ZNF143: variants seen among roughly 807,000 people sequenced by gnomAD.
ZNF143 encodes zinc finger protein 143.
In ZNF143, 49 loss-of-function variants were observed where a neutral mutation model predicts 74.1. The ratio of observed to expected loss-of-function variants is 0.66; its 90% CI spans 0.53 to 0.84. The LOEUF is 0.84. Ranked by LOEUF, ZNF143 falls within the 40% of genes least tolerant of loss-of-function variation. The pLI is 0.00. For missense variants in ZNF143, 637 were observed against 793.4 expected, an observed-to-expected ratio of 0.80 and a Z score of 2.37; for synonymous variants, 304 against 282.8, an observed-to-expected ratio of 1.07 and a Z score of -0.75.
At chr11:9,472,546 C>T (rs1856642106) in intron 2 of ZNF143, 131 bp from the exon 3 acceptor site, 1 of 771,492 alleles carries the variant, frequency 1.3e-6, no homozygotes, top group African/African-American at 1.8e-5. Flanking sequence ...GCCACTGCAC[C>T]CGGCCGCTAA....
chr11:9,514,860 G>T (rs1478155515), intron 13 of ZNF143, among the ~76,000 whole-genome samples: 2 of 152,230 alleles, frequency 1.3e-5, no homozygotes, highest in Non-Finnish European at 2.9e-5. Flanking sequence ...TGGGCACAGT[G>T]GCCCATGCCT....
At chr11:9,504,024 A>G (rs181884159) in intron 11 of ZNF143, among the ~76,000 whole-genome samples, 1,645 of 136,168 alleles carry the variant, frequency 0.012, 33 homozygotes, top group African/African-American at 0.044. Flanking sequence ...CAGTGGCGCA[A>G]TCTTGGCCTG....
In ZNF143 at chr11:9,481,983, T is replaced by TG. The variant is rs1476820028; in HGVS notation, c.645+2437_645+2438insG. On this transcript the variant is annotated intron_variant, in intron 7 of 15. Coordinates refer to ENST00000396602, the MANE Select transcript of ZNF143 (RefSeq NM_003442.6). ...AAAAAAACCCATTACTCTTTTTTTT[T>TG]TTTTTGAGGTGGAGTCTCACTCTGT... is the stretch of plus-strand genomic sequence containing the variant. Among the ~76,000 whole-genome samples the TG allele has an allele frequency of 2.0e-5, 3 of 149,956 alleles. No homozygotes were observed. The East Asian group carries it at 5.9e-4, about 30-fold the overall frequency.
At chr11:9,476,408 C>T (rs1428790141) in intron 5 of ZNF143, among the ~76,000 whole-genome samples, 1 of 152,056 alleles carries the variant, frequency 6.6e-6, no homozygotes, top group East Asian at 1.9e-4. Context: ...CAGTCTCGCT[C>T]TGTTGCCAGG....
At chr11:9,468,823 TG>T in intron 1 of ZNF143, among the ~76,000 whole-genome samples, 1 of 151,706 alleles carries the variant, frequency 6.6e-6, no homozygotes, top group Non-Finnish European at 1.5e-5. Context: ...GGTGACAGAG[TG>T]AGACTCGACT....
intron 11 of ZNF143, among the ~76,000 whole-genome samples, chr11:9,507,637 A>G (rs1848409914): frequency 6.6e-6 from 1 of 152,210 alleles, no homozygotes; most frequent in African/African-American, 2.4e-5. Context: ...AGTGTAGTTA[A>G]AAGTATTCAT....
intron 1 of ZNF143, among the ~76,000 whole-genome samples, chr11:9,467,237 GT>G (rs10709761): frequency 0.94 from 119,558 of 127,408 alleles, 56,169 homozygotes; most frequent in Middle Eastern, 0.99. Flanking sequence ...AAAGGAAAGT[GT>G]TTTTTTTTTT....
At chr11:9,474,526 C>G (rs371027686) in intron 4 of ZNF143, 24 bp from the exon 5 acceptor site, 85 of 1,613,060 alleles carry the variant, frequency 5.3e-5, no homozygotes, top group Non-Finnish European at 6.8e-5. Context: ...AACATGAGAT[C>G]TAAATGTAAG....
In ZNF143 at chr11:9,497,768, G is replaced by A. The variant is rs1482816987; in HGVS notation, c.935G>A (p.Gly312Glu). 1 of 1,610,552 alleles carries A rather than the reference G, an allele frequency of 6.2e-7. No individual in the cohort carries two copies. Among genetic ancestry groups the A allele is most frequent in the Admixed American group, 1.7e-5 (1 of 59,648 alleles). The change falls in exon 10 of 16, where the codon GGA becomes GAA. Residue 312 changes from glycine (G) to glutamate (E), a missense_variant. By Grantham distance (98) the Gly-to-Glu change is moderately conservative. This residue lies in a region of ZNF143 where 344 missense variants were observed against 485.6 expected (regional missense o/e 0.71). Coordinates refer to ENST00000396602, the MANE Select transcript of ZNF143 (RefSeq NM_003442.6). ...DNCTKSFKTSGDLQKHIRTHT... is the reference protein window; with the variant it reads ...DNCTKSFKTSEDLQKHIRTHT... ...TGTACTAAATCTTTCAAAACTTCAG[G>A]AGATCTACAGAAACACATCAGAACT...
chr11:9,475,438 T>C (rs1856819799), intron 5 of ZNF143, among the ~76,000 whole-genome samples: 1 of 152,070 alleles, frequency 6.6e-6, no homozygotes. Context: ...TTTTAAATTT[T>C]TATTTTCTGA....
chr11:9,494,555 C>G, intron 7 of ZNF143, 91 bp from the exon 8 acceptor site: 2 of 1,332,086 alleles, frequency 1.5e-6, no homozygotes, highest in Non-Finnish European at 2.1e-6. Context: ...AAATGATCCG[C>G]CTACCTCTGC....
At chr11:9,470,102 A>G (rs1856483758) in intron 1 of ZNF143, among the ~76,000 whole-genome samples, 1 of 152,222 alleles carries the variant, frequency 6.6e-6, no homozygotes, top group Non-Finnish European at 1.5e-5. Context: ...CAAGGCAGCT[A>G]CATTATCCCA....
At chr11:9,490,877 T>C (rs1847747477) in intron 7 of ZNF143, among the ~76,000 whole-genome samples, 1 of 151,944 alleles carries the variant, frequency 6.6e-6, no homozygotes, top group Non-Finnish European at 1.5e-5. Flanking sequence ...GGACCACAAG[T>C]ACATACCACC....
chr11:9,479,567 A>T lies in ZNF143; in HGVS notation c.645+21A>T, dbSNP rs1292883715. ...TGCAGGTATGTAAAGCTACTTTTTAATATAAAAATCTAGCTTAGCATTTCT... is the reference window on the plus strand; with the variant it reads ...TGCAGGTATGTAAAGCTACTTTTTATTATAAAAATCTAGCTTAGCATTTCT... On this transcript the variant is annotated intron_variant, in intron 7 of 15. Coordinates refer to ENST00000396602, the MANE Select transcript of ZNF143 (RefSeq NM_003442.6). The T allele has an allele frequency of 1.9e-6, 3 of 1,600,968 alleles. No individual in the cohort carries two copies. The African/African-American group carries it at 4.0e-5, about 21-fold the overall frequency.
chr11:9,468,949 C>T lies in ZNF143; in HGVS notation c.-7-2353C>T, dbSNP rs189358971. On this transcript the variant is annotated intron_variant, in intron 1 of 15. Transcript: ENST00000396602. ...AGAAGTTCGAGACCAGCCTGGCCAACATGGTGAAACCCCACCTCTACTAAA... is the reference window on the plus strand; with the variant it reads ...AGAAGTTCGAGACCAGCCTGGCCAATATGGTGAAACCCCACCTCTACTAAA... Among the ~76,000 whole-genome samples the T allele has an allele frequency of 8.3e-3, 1,264 of 151,990 alleles. 16 individuals are homozygous for T. Among genetic ancestry groups the T allele is most frequent in the African/African-American group, 0.028 (1,175 of 41,456 alleles).
intron 1 of ZNF143, chr11:9,463,920 A>G (rs1297821300): frequency 6.6e-6 from 1 of 152,210 alleles, no homozygotes; most frequent in South Asian, 2.1e-4. Context: ...AGATAACTAT[A>G]TACATTTTTA....
intron 9 of ZNF143, among the ~76,000 whole-genome samples, chr11:9,497,103 G>A (rs760737722): frequency 1.3e-5 from 2 of 152,220 alleles, no homozygotes; most frequent in Admixed American, 6.5e-5. Context: ...TCCACTTTGA[G>A]CTCTTGGGGT....
At chr11:9,486,399 AT>A (rs1168198943) in intron 7 of ZNF143, among the ~76,000 whole-genome samples, 1 of 27,550 alleles carries the variant, frequency 3.6e-5, no homozygotes, top group Non-Finnish European at 6.1e-5. Flanking sequence ...TATATATAAT[AT>A]ATTATATATA....
Position 9,472,758 on chromosome 11 carries a change from A to G in ZNF143, c.194A>G (p.His65Arg). ...GATGGTTCTACTGCTTACATACAACACAATTCTAAAGGTATGTGCCTCACA... is the reference window on the plus strand; with the variant it reads ...GATGGTTCTACTGCTTACATACAACGCAATTCTAAAGGTATGTGCCTCACA... Reference protein sequence around the residue: ...LADGSTAYIQHNSKDAKLIDG... With the variant: ...LADGSTAYIQRNSKDAKLIDG... Residue 65 changes from histidine to arginine, a missense_variant, in exon 3 of 16, where the codon CAC (histidine) becomes CGC (arginine). This residue lies in a region of ZNF143 where 293 missense variants were observed against 307.8 expected (regional missense o/e 0.95). Coordinates refer to ENST00000396602, the MANE Select transcript of ZNF143 (RefSeq NM_003442.6). The G allele has an allele frequency of 1.9e-6, 3 of 1,583,160 alleles. No homozygotes were observed. The highest frequency in any genetic ancestry group is 2.6e-6 in the Non-Finnish European group (3 of 1,168,416).
Sources: allele counts gnomAD v4.1 joint callset (sites outside exome capture counted in the v4.1 genomes callset), GRCh38; gene constraint gnomAD v4.1.1; regional missense constraint gnomAD v4.1.1; transcripts MANE v1.5; gene names NCBI Gene and HGNC (gene_info 2026-07-23, HGNC 2026-07-21).